The following NPHP1 variants were observed in gnomAD, a reference collection of about 807,000 sequenced individuals.
The protein encoded by NPHP1 is nephrocystin-1.
NPHP1 carries 70 observed loss-of-function variants against 90.4 expected under a neutral mutation model. The ratio of observed to expected loss-of-function variants is 0.77; its 90% CI spans 0.64 to 0.95. NPHP1 has a LOEUF of 0.95. NPHP1 is among the 40% of genes least tolerant of loss of function. The pLI is 0.00. For missense variants in NPHP1, 764 were observed against 795.9 expected (o/e 0.96, Z 0.48); for synonymous variants, 256 against 271.7 (o/e 0.94, Z 0.57).
intron 2 of NPHP1, among the ~76,000 whole-genome samples, chr2:110,193,608 A>G (rs547190272): frequency 2.6e-5 from 4 of 152,268 alleles, no homozygotes; most frequent in Non-Finnish European, 5.9e-5. Context: ...CGGGACAGAA[A>G]GTTAATGAGG....
At chr2:110,196,932 T>C (rs1329366092) in intron 2 of NPHP1, among the ~76,000 whole-genome samples, 2 of 152,064 alleles carry the variant, frequency 1.3e-5, no homozygotes, top group Admixed American at 6.6e-5. Context: ...CATGTTCTCA[T>C]AGAATACTGT....
At chr2:110,192,989 A>C (rs1447905377) in intron 2 of NPHP1, among the ~76,000 whole-genome samples, 1 of 152,144 alleles carries the variant, frequency 6.6e-6, no homozygotes, top group Non-Finnish European at 1.5e-5. Flanking sequence ...CCTGCCCTAA[A>C]AGAGCTCCTG....
chr2:110,129,683 C>T (rs1322377436), intron 17 of NPHP1, among the ~76,000 whole-genome samples: 1 of 152,190 alleles, frequency 6.6e-6, no homozygotes, highest in African/African-American at 2.4e-5. Context: ...CTGCTCAGGT[C>T]TGATTCCAGG....
chr2:110,131,834 C>T (rs765229644), intron 16 of NPHP1, 43 bp from the exon 17 acceptor site: 5 of 1,199,150 alleles, frequency 4.2e-6, no homozygotes, highest in South Asian at 2.5e-5. Flanking sequence ...CAATCCCCTA[C>T]AATCCAACTT....
In NPHP1 at chr2:110,193,170, T is replaced by G. The variant is rs904237505; in HGVS notation, c.143+8251A>C. ...CACACATGACAATATTAACCTTAAA[T>G]GTAAATGGGCTAAATGCTCCAATTA... On this transcript the variant is annotated intron_variant, in intron 2 of 19. Coordinates refer to ENST00000445609, the MANE Select transcript of NPHP1 (RefSeq NM_001128178.3). 5.3e-5 allele frequency among the ~76,000 whole-genome samples: 8 copies of G among 152,092 alleles called. 1 individual carries two copies. Among genetic ancestry groups the G allele is most frequent in the Admixed American group, 4.6e-4 (7 of 15,278 alleles).
At chr2:110,128,061 A>T (rs1257205394) in intron 18 of NPHP1, 1 of 152,136 alleles carries the variant, frequency 6.6e-6, no homozygotes, top group East Asian at 1.9e-4. Flanking sequence ...TGTACCATGA[A>T]CATTTTCTTA....
Sources: allele counts gnomAD v4.1 joint callset (sites outside exome capture counted in the v4.1 genomes callset), GRCh38; gene constraint gnomAD v4.1.1; transcripts MANE v1.5; gene names NCBI Gene and HGNC (gene_info 2026-07-23, HGNC 2026-07-21).